Variants in SYNJ2 observed in about 807,000 individuals in gnomAD.
The protein encoded by SYNJ2 is synaptojanin 2, also known as polyphosphatidylinositol phosphatase SYNJ2.
A neutral mutation model predicts 141.3 loss-of-function variants in SYNJ2; 116 were observed. The observed-to-expected ratio is 0.82, with a 90% CI of 0.71 to 0.96. The LOEUF (loss-of-function observed/expected upper bound fraction) is 0.96, where lower values mean the gene tolerates loss of function less well. SYNJ2 is among the 40% of genes least tolerant of loss of function. SYNJ2 has a pLI of 0.00. For missense variants in SYNJ2, 1,873 were observed against 1,934.8 expected, an observed-to-expected ratio of 0.97 and a Z score of 0.60; for synonymous variants, 745 against 777.7, an observed-to-expected ratio of 0.96 and a Z score of 0.70.
chr6:157,989,925 C>T (rs572574575), intron 1 of SYNJ2, among the ~76,000 whole-genome samples: 1 of 152,116 alleles, frequency 6.6e-6, no homozygotes, highest in East Asian at 2.0e-4. Context: ...GGCTAGGAGG[C>T]TCTGCCAAGT....
chr6:158,010,475 G>A lies in SYNJ2; in HGVS notation c.128-6729G>A, dbSNP rs764209214. Reference sequence around the variant, plus strand: ...ATGCTCCTGATACATCAGAAGGGTCGGGGGAGGACTTGGAGGTGAAGGCAC... The same window carrying A: ...ATGCTCCTGATACATCAGAAGGGTCAGGGGAGGACTTGGAGGTGAAGGCAC... On this transcript the variant is annotated intron_variant, in intron 1 of 26. Coordinates refer to ENST00000355585, the MANE Select transcript of SYNJ2 (RefSeq NM_003898.4). Among the ~76,000 whole-genome samples the A allele has an allele frequency of 5.3e-5, 8 of 152,246 alleles. No individual in the cohort carries two copies. In the East Asian group the frequency reaches 5.8e-4, roughly 11 times the overall value.
intron 17 of SYNJ2, among the ~76,000 whole-genome samples, chr6:158,077,011 T>C (rs1190526579): frequency 5.9e-5 from 9 of 151,950 alleles, no homozygotes; most frequent in African/African-American, 2.2e-4. Flanking sequence ...TTTTTTTTTT[T>C]TGAGACAGAG....
At chr6:157,994,520 G>A (rs979353593) in intron 1 of SYNJ2, among the ~76,000 whole-genome samples, 4 of 152,234 alleles carry the variant, frequency 2.6e-5, no homozygotes, top group Non-Finnish European at 5.9e-5. Context: ...TTCTGGGTGG[G>A]GGATCTACCT....
At chr6:158,023,734 A>C (rs1209977522) in intron 2 of SYNJ2, among the ~76,000 whole-genome samples, 1 of 152,212 alleles carries the variant, frequency 6.6e-6, no homozygotes, top group Non-Finnish European at 1.5e-5. Context: ...ACAAAGGGAC[A>C]GTTCAAAAGC....
intron 23 of SYNJ2, among the ~76,000 whole-genome samples, chr6:158,087,875 CTT>C (rs749329722): frequency 1.3e-4 from 12 of 94,438 alleles, no homozygotes; most frequent in Admixed American, 2.2e-4. Flanking sequence ...CAACATACTT[CTT>C]TTTTTTTTTT....
In SYNJ2 at chr6:158,064,749, AG is replaced by A. The variant is rs1394085968; in HGVS notation, c.1359+1del. 1.2e-6 allele frequency: 2 copies of A among 1,613,516 alleles called. No individual in the cohort carries two copies. Among genetic ancestry groups the A allele is most frequent in the Non-Finnish European group, 1.7e-6 (2 of 1,179,920 alleles). ...TGSRALEGKA[K>X]VGKLKDGARS... Reference sequence around the variant, plus strand: ...AGCAGAGCCCTGGAAGGGAAGGCCAAGGTAGGGCCCCGCCGAGGGGGCAGGG... The same window carrying A: ...AGCAGAGCCCTGGAAGGGAAGGCCAAGTAGGGCCCCGCCGAGGGGGCAGGG... On this transcript the variant is annotated frameshift_variant and splice_region_variant, in exon 10 of 27. Transcript: ENST00000355585. LOFTEE classifies it high-confidence loss of function.
Position 158,095,906 on chromosome 6 carries a change from C to T in SYNJ2, c.4033C>T (p.His1345Tyr), listed in dbSNP as rs1783772263. Residue 1345 changes from histidine (H) to tyrosine (Y), a missense_variant, in exon 27 of 27, where the codon CAC becomes TAC. By Grantham distance (83) the His-to-Tyr change is moderately conservative. Transcript: ENST00000355585. Reference sequence around the variant, plus strand: ...GAAGAAGTCAGCCCCCGCAGCCTTCCACCTGCAGGTCCTGCAGAGCAACAG... The same window carrying T: ...GAAGAAGTCAGCCCCCGCAGCCTTCTACCTGCAGGTCCTGCAGAGCAACAG... ...RRKKSAPAAF[H>Y]LQVLQSNSQL... The T allele has an allele frequency of 6.2e-7, 1 of 1,614,152 alleles. No individual in the cohort carries two copies. Among genetic ancestry groups the T allele is most frequent in the Non-Finnish European group, 8.5e-7 (1 of 1,180,006 alleles).
intron 15 of SYNJ2, among the ~76,000 whole-genome samples, chr6:158,073,134 G>A (rs1782044361): frequency 6.6e-6 from 1 of 151,234 alleles, no homozygotes; most frequent in Non-Finnish European, 1.5e-5. Context: ...AGTAATTAAA[G>A]GATTTATAAT....
Position 158,081,328 on chromosome 6 carries a change from G to C in SYNJ2, c.2786+1G>C. The C allele has an allele frequency of 1.2e-6, 2 of 1,614,126 alleles. No homozygotes were observed. The highest frequency in any genetic ancestry group is 1.7e-6 in the Non-Finnish European group (2 of 1,180,010). ...GTTATGGGACAATTGTTCTTGTCAG[G>C]TAACTGCTCCCCTGGCTGATGTGGG... On this transcript the variant is annotated splice_donor_variant, in intron 19 of 26. Coordinates refer to ENST00000355585, the MANE Select transcript of SYNJ2 (RefSeq NM_003898.4). LOFTEE classifies it high-confidence loss of function.
rs766115154 is a variant in SYNJ2 at position 158,064,352 on chromosome 6, C to T, written c.1210-249C>T. ...CTTCAGCCTCTGGCATTGGGTGGGG[C>T]GGGGCGGGGTGCAGGGGCGTTCAAG... is the stretch of plus-strand genomic sequence containing the variant. On this transcript the variant is annotated intron_variant, in intron 9 of 26. Coordinates refer to ENST00000355585, the MANE Select transcript of SYNJ2 (RefSeq NM_003898.4). Among the ~76,000 whole-genome samples the T allele has an allele frequency of 2.6e-4, 6 of 23,302 alleles. No homozygotes were observed. The South Asian group carries it at 6.5e-3, about 25-fold the overall frequency. 15.3% of individuals were successfully genotyped at this position (23,302 alleles called of 152,430 possible). A position where few individuals can be genotyped will look rare whatever the true frequency, so the allele number is the denominator to read the frequency against.
chr6:158,051,948 C>G (rs1401964727), intron 5 of SYNJ2, among the ~76,000 whole-genome samples: 2 of 150,938 alleles, frequency 1.3e-5, no homozygotes, highest in East Asian at 3.9e-4. Flanking sequence ...AGAGTAAGAC[C>G]CTGTCTCAAA....
rs61172281 is a variant in SYNJ2, at chr6:158,055,503, ATGTGTGTG to A, written c.857+501_857+508del. Among the ~76,000 whole-genome samples, 60 of 147,848 alleles carry A rather than the reference ATGTGTGTG, an allele frequency of 4.1e-4. 2 individuals carry two copies. Among genetic ancestry groups the A allele is most frequent in the Middle Eastern group, 6.9e-3 (2 of 290 alleles). ...TTCTAGAAAACAATTTTGGCATTTT[ATGTGTGTG>A]TGTGTGTGTGTGTGTGTGTGTGTGT... On this transcript the variant is annotated intron_variant, in intron 6 of 26. Coordinates refer to ENST00000355585, the MANE Select transcript of SYNJ2 (RefSeq NM_003898.4).
intron 1 of SYNJ2, among the ~76,000 whole-genome samples, chr6:158,005,713 C>G (rs996601930): frequency 6.6e-6 from 1 of 152,058 alleles, no homozygotes; most frequent in Non-Finnish European, 1.5e-5. Context: ...CACTCCCCCA[C>G]CCTCCCAGAT....
chr6:158,031,710 A>C (rs971034178), intron 3 of SYNJ2, among the ~76,000 whole-genome samples: 1 of 152,172 alleles, frequency 6.6e-6, no homozygotes, highest in African/African-American at 2.4e-5. Context: ...GGGTGAAGTC[A>C]TCTTTCTGGG....
intron 3 of SYNJ2, chr6:158,030,547 C>T (rs1181998990): frequency 3.3e-5 from 5 of 152,636 alleles, no homozygotes; most frequent in Non-Finnish European, 7.3e-5. Flanking sequence ...CTCTTTGGTT[C>T]TCTGGTATTG....
At chr6:158,068,574 T>C (rs950077450) in intron 12 of SYNJ2, 73 bp from the exon 13 acceptor site, 2 of 1,554,060 alleles carry the variant, frequency 1.3e-6, no homozygotes, top group Non-Finnish European at 1.8e-6. Flanking sequence ...GAGAGGGCAC[T>C]GGGGAGCCCC....
chr6:158,053,582 C>T (rs1398079293), intron 5 of SYNJ2, among the ~76,000 whole-genome samples: 2 of 151,814 alleles, frequency 1.3e-5, no homozygotes, highest in African/African-American at 2.4e-5. Flanking sequence ...CACTCATTCA[C>T]CCACCCACCT....
chr6:158,048,681 C>T (rs1780387167), intron 5 of SYNJ2, among the ~76,000 whole-genome samples: 1 of 152,166 alleles, frequency 6.6e-6, no homozygotes, highest in Non-Finnish European at 1.5e-5. Context: ...GTATGGGAAC[C>T]ACTCGGTGCT....
chr6:158,066,309 G>C, intron 11 of SYNJ2, 135 bp from the exon 12 acceptor site: 1 of 984,600 alleles, frequency 1.0e-6, no homozygotes. Flanking sequence ...TGTCGTCTTC[G>C]TAAGGAGCAT....
Sources: gnomAD v4.1 joint callset for allele counts (sites outside exome capture counted in the v4.1 genomes callset) on GRCh38, gnomAD v4.1.1 for gene constraint, MANE v1.5 for transcripts, NCBI Gene and HGNC (gene_info 2026-07-23, HGNC 2026-07-21) for gene names.